PLPPR3: variants seen among roughly 807,000 people sequenced by gnomAD.
PLPPR3 encodes phospholipid phosphatase-related protein type 3.
A neutral mutation model predicts 27.3 loss-of-function variants in PLPPR3; 14 were observed. The observed-to-expected ratio is 0.51, with a 90% confidence interval of 0.34 to 0.80. The LOEUF (loss-of-function observed/expected upper bound fraction) is 0.80. Among genes scored for constraint, PLPPR3 ranks in the 30% least tolerant of loss-of-function variants. The pLI, the probability that PLPPR3 is intolerant of heterozygous loss-of-function variation, is 0.01. For synonymous variants in PLPPR3, 671 were observed against 508.0 expected (o/e 1.32, Z -4.32); for missense variants, 1,287 against 1,056.9 (o/e 1.22, Z -3.02).
chr19:821,733 C>T (rs937353398), intron 1 of PLPPR3, 148 bp from the exon 2 acceptor site: 1 of 417,712 alleles, frequency 2.4e-6, no homozygotes, highest in African/African-American at 2.1e-5. Context: ...CCCGGCCCAG[C>T]ACGCGGCTTC....
chr19:812,807 G>T lies in PLPPR3; in HGVS notation c.1920C>A (p.Gly640=). ...CCTGGTCCACGTCGCTGACCGACGA[G>T]CCGGGGGACACGCCCGGGGGCTTGG... ...GGAKPPGVSP[G]SSVSDVDQEE... Residue 640 remains glycine (G), a synonymous_variant, in exon 8 of 8, where the codon GGC becomes GGA. Transcript: ENST00000520876. 4 of 1,096,758 alleles carry T rather than the reference G, an allele frequency of 3.6e-6. No homozygotes were observed. Among genetic ancestry groups the T allele is most frequent in the Non-Finnish European group, 4.4e-6 (4 of 900,660 alleles). 67.9% of individuals were successfully genotyped at this position (1,096,758 alleles called of 1,614,324 possible). A position where few individuals can be genotyped will look rare whatever the true frequency, so the allele number is the denominator to read the frequency against.
Position 813,305 on chromosome 19 carries a change from C to T in PLPPR3, c.1422G>A (p.Ala474=). The T allele has an allele frequency of 6.8e-7, 1 of 1,464,398 alleles. No individual in the cohort carries two copies. Among genetic ancestry groups the T allele is most frequent in the African/African-American group, 1.5e-5 (1 of 67,494 alleles). The allele number at this position is 1,464,398 out of a possible 1,614,324, so 90.7% of individuals were successfully genotyped here. A position where few individuals can be genotyped will look rare whatever the true frequency, so the allele number is the denominator to read the frequency against. The change falls in exon 8 of 8, where the codon GCG becomes GCA. Residue 474 remains alanine, a synonymous_variant. Transcript: ENST00000520876. This position sits in a 1 kb window ranked among gnomAD's most constrained non-coding sequence, Gnocchi z 4.1. ...APPSLYPTVQ[A]RPGLGPRVIL... Reference sequence around the variant, plus strand: ...TGACCCGAGGCCCCAGCCCCGGCCGCGCCTGCACGGTGGGGTAGAGCGAGG... The same window carrying T: ...TGACCCGAGGCCCCAGCCCCGGCCGTGCCTGCACGGTGGGGTAGAGCGAGG...
rs141958692 is a variant in PLPPR3 at position 821,527 on chromosome 19, C to T, written c.33G>A (p.Pro11=). Residue 11 remains proline, a synonymous_variant, in exon 2 of 8, where the codon CCG becomes CCA. Transcript: ENST00000520876. Reference sequence around the variant, plus strand: ...AGGGCAGAAGCGTCATGCTGTCCTTCGGGATCTTGTTCTTCTCCTTGGTGG... The same window carrying T: ...AGGGCAGAAGCGTCATGCTGTCCTTTGGGATCTTGTTCTTCTCCTTGGTGG... MISTKEKNKI[P]KDSMTLLPCF... 1,364 of 1,498,664 alleles carry T rather than the reference C, an allele frequency of 9.1e-4. 25 individuals are homozygous for T. In the Admixed American group the frequency reaches 0.027, roughly 30 times the overall value. The allele number at this position is 1,498,664 out of a possible 1,614,324, so 92.8% of individuals were successfully genotyped here.
rs1032737154 is a variant in PLPPR3, at chr19:813,383, GTCC to G, written c.1341_1343del (p.Glu447del). 29 of 1,497,606 alleles carry G rather than the reference GTCC, an allele frequency of 1.9e-5. 1 individual carries two copies. Among genetic ancestry groups the G allele is most frequent in the African/African-American group, 1.7e-4 (12 of 70,278 alleles). 92.8% of individuals were successfully genotyped at this position (1,497,606 alleles called of 1,614,324 possible). Reference sequence around the variant, plus strand: ...CTTCCTCCTCCTCCTCTTCCTCTTCGTCCTCCTCCTCTTCCTCCTCCTCCGCCA... The same window carrying G: ...CTTCCTCCTCCTCCTCTTCCTCTTCGTCCTCCTCTTCCTCCTCCTCCGCCA... On this transcript the variant is annotated inframe_deletion, in exon 8 of 8. Transcript: ENST00000520876. This position sits in a 1 kb window ranked among gnomAD's most constrained non-coding sequence, Gnocchi z 4.1.
chr19:819,134 G>A lies in PLPPR3; in HGVS notation c.75+2351C>T, dbSNP rs2035107967. ...TGAGACTACAGGCACACACCACCAC[G>A]CTGGGCTAATTTTTGTATTTTTAGT... is the stretch of plus-strand genomic sequence containing the variant. On this transcript the variant is annotated intron_variant, in intron 2 of 7. Coordinates refer to ENST00000520876, the MANE Select transcript of PLPPR3 (RefSeq NM_001270366.2). Among the ~76,000 whole-genome samples the A allele has an allele frequency of 1.9e-5, 2 of 107,104 alleles. 1 individual carries two copies. The highest frequency in any genetic ancestry group is 3.6e-5 in the Non-Finnish European group (2 of 54,910). 70.3% of individuals were successfully genotyped at this position (107,104 alleles called of 152,430 possible).
chr19:822,651 C>T (rs1189589006), upstream of PLPPR3, among the ~76,000 whole-genome samples: 2 of 152,164 alleles, frequency 1.3e-5, no homozygotes, highest in African/African-American at 4.8e-5. Flanking sequence ...GCGGGCAGGG[C>T]CCTCGGGACC....
rs1002060306 is a variant in PLPPR3, at chr19:812,624, C to T, written c.2103G>A (p.Glu701=). 7 of 1,118,822 alleles carry T rather than the reference C, an allele frequency of 6.3e-6. No individual in the cohort carries two copies. Among genetic ancestry groups the T allele is most frequent in the Admixed American group, 4.5e-5 (1 of 22,180 alleles). 69.3% of individuals were successfully genotyped at this position (1,118,822 alleles called of 1,614,324 possible). A position where few individuals can be genotyped will look rare whatever the true frequency, so the allele number is the denominator to read the frequency against. ...GGLGLAEREA[E]AEAEGYFRKM... is the part of the protein sequence containing the mutation. ...TGCGGAAGTAGCCCTCGGCCTCCGCCTCCGCCTCGCGCTCCGCCAGCCCCA... is the reference window on the plus strand; with the variant it reads ...TGCGGAAGTAGCCCTCGGCCTCCGCTTCCGCCTCGCGCTCCGCCAGCCCCA... The change falls in exon 8 of 8, where the codon GAG becomes GAA. Residue 701 remains glutamate (E), a synonymous_variant. Transcript: ENST00000520876.
At chr19:821,199 C>T (rs2035138971) in intron 2 of PLPPR3, among the ~76,000 whole-genome samples, 1 of 146,662 alleles carries the variant, frequency 6.8e-6, no homozygotes, top group Admixed American at 6.8e-5. Context: ...CCCCAGCCCC[C>T]GACCCCCAGC....
intron 7 of PLPPR3, among the ~76,000 whole-genome samples, chr19:814,102 C>T (rs949171866): frequency 2.0e-5 from 3 of 152,170 alleles, no homozygotes; most frequent in African/African-American, 4.8e-5. Context: ...ATTCCAAGGG[C>T]GAGACACTTC....
In PLPPR3 at chr19:813,473, G is replaced by A. The variant is rs753903593; in HGVS notation, c.1254C>T (p.Gly418=). 31 of 1,539,578 alleles carry A rather than the reference G, an allele frequency of 2.0e-5. No individual in the cohort carries two copies. In the Admixed American group the frequency reaches 4.9e-4, roughly 24 times the overall value. ...ISEWKQKSLE[G]RGLGLPDDAS... Reference sequence around the variant, plus strand: ...CGTCGTCGGGCAGCCCCAGGCCGCGGCCCTCCAGGCTCTTCTGCTTCCACT... The same window carrying A: ...CGTCGTCGGGCAGCCCCAGGCCGCGACCCTCCAGGCTCTTCTGCTTCCACT... The change falls in exon 8 of 8, where the codon GGC becomes GGT. Residue 418 remains glycine, a synonymous_variant. Coordinates refer to ENST00000520876, the MANE Select transcript of PLPPR3 (RefSeq NM_001270366.2). This position sits in a 1 kb window ranked among gnomAD's most constrained non-coding sequence, Gnocchi z 4.1.
intron 2 of PLPPR3, among the ~76,000 whole-genome samples, chr19:819,537 A>T (rs1019110639): frequency 6.6e-6 from 1 of 150,932 alleles, no homozygotes; most frequent in African/African-American, 2.4e-5. Flanking sequence ...TGATCCGCCC[A>T]CCTCGGCCTC....
upstream of PLPPR3, among the ~76,000 whole-genome samples, chr19:822,452 C>G (rs2035163283): frequency 1.3e-5 from 2 of 152,112 alleles, no homozygotes; most frequent in African/African-American, 4.8e-5. Context: ...TCCCAGGGCG[C>G]CCGGAGCATC....
rs2034961107 is a variant in PLPPR3 at position 812,953 on chromosome 19, C to T, written c.1774G>A (p.Val592Met). 1.4e-6 allele frequency: 2 copies of T among 1,430,282 alleles called. No homozygotes were observed. Among genetic ancestry groups the T allele is most frequent in the South Asian group, 2.6e-5 (2 of 76,268 alleles). 88.6% of individuals were successfully genotyped at this position (1,430,282 alleles called of 1,614,324 possible). A position where few individuals can be genotyped will look rare whatever the true frequency, so the allele number is the denominator to read the frequency against. ...GCGCCGCCGGCCGACAGGTGCACCACGGGGTGGTGCGGCGCGTGCGCGTCG... is the reference window on the plus strand; with the variant it reads ...GCGCCGCCGGCCGACAGGTGCACCATGGGGTGGTGCGGCGCGTGCGCGTCG... ...TIDAHAPHHP[V>M]VHLSAGGAPW... Residue 592 changes from valine to methionine, a missense_variant, in exon 8 of 8, where the codon GTG becomes ATG. Coordinates refer to ENST00000520876, the MANE Select transcript of PLPPR3 (RefSeq NM_001270366.2).
At position 813,318 on chromosome 19, in the gene PLPPR3, G is replaced by C. The variant is rs2034975897; in HGVS notation, c.1409C>G (p.Pro470Arg). ...CAGCCCCGGCCGCGCCTGCACGGTG[G>C]GGTAGAGCGAGGGCGGGGCCGGGCC... is the stretch of plus-strand genomic sequence containing the variant. ...DEGPAPPSLYPTVQARPGLGP... is the reference protein window; with the variant it reads ...DEGPAPPSLYRTVQARPGLGP... Residue 470 changes from proline to arginine, a missense_variant, in exon 8 of 8, where the codon CCC (proline) becomes CGC (arginine). Physicochemically the swap from Pro to Arg is moderately radical, Grantham distance 103. Transcript: ENST00000520876. The surrounding 1 kb of genome is among the most constrained non-coding windows in gnomAD (Gnocchi z 4.1). 4.1e-6 allele frequency: 6 copies of C among 1,468,718 alleles called. No individual in the cohort carries two copies. The highest frequency in any genetic ancestry group is 1.4e-5 in the South Asian group (1 of 73,996). The allele number at this position is 1,468,718 out of a possible 1,614,324, so 91.0% of individuals were successfully genotyped here.
Position 812,547 on chromosome 19 carries a change from CG to C in PLPPR3, c.*22del. ...CCGCCCGCGCCCTCGGCCCGCCCCC[CG>C]CCCGCCCCCGGCCCCGCCGCGCTAG... On this transcript the variant is annotated 3_prime_UTR_variant, in exon 8 of 8. Coordinates refer to ENST00000520876, the MANE Select transcript of PLPPR3 (RefSeq NM_001270366.2). 7.7e-5 allele frequency: 75 copies of C among 979,166 alleles called. No homozygotes were observed. Among genetic ancestry groups the C allele is most frequent in the East Asian group, 1.0e-4 (1 of 9,722 alleles). 60.7% of individuals were successfully genotyped at this position (979,166 alleles called of 1,614,324 possible).
intron 2 of PLPPR3, among the ~76,000 whole-genome samples, chr19:816,218 CCCAT>C (rs1217426619): frequency 1.2e-4 from 18 of 150,496 alleles, no homozygotes; most frequent in East Asian, 3.9e-4. Context: ...CCCAACGGTA[CCCAT>C]CCATCCATCC....
At chr19:823,780 G>A (rs182446530), upstream of PLPPR3, among the ~76,000 whole-genome samples, 1 of 152,222 alleles carries the variant, frequency 6.6e-6, no homozygotes, top group South Asian at 2.1e-4. Flanking sequence ...CTCCCCAACA[G>A]CCCTGGAGAA....
chr19:819,897 A>G (rs1249649120), intron 2 of PLPPR3, among the ~76,000 whole-genome samples: 1 of 152,190 alleles, frequency 6.6e-6, no homozygotes, highest in African/African-American at 2.4e-5. Context: ...GCTGAAGTGC[A>G]GTGGTGTGAT....
Position 814,957 on chromosome 19 carries a change from G to C in PLPPR3, c.528C>G (p.Ser176=). Residue 176 remains serine (S), a synonymous_variant, in exon 5 of 8, where the codon TCC becomes TCG. Transcript: ENST00000520876. The part of the protein sequence containing the change: ...CKPNYTLLGT[S]CEVNPYITQD... The stretch of plus-strand genomic sequence containing the variant: ...GCGTGATGTAGGGGTTGACCTCGCA[G>C]GACGTGCCCAGGAGAGTGTAGTTGG... 6.2e-7 allele frequency: 1 copy of C among 1,612,622 alleles called. No individual in the cohort carries two copies. The highest frequency in any genetic ancestry group is 1.1e-5 in the South Asian group (1 of 91,092).
Sources: allele counts gnomAD v4.1 joint callset (sites outside exome capture counted in the v4.1 genomes callset), GRCh38; gene constraint gnomAD v4.1.1; non-coding constraint Gnocchi (gnomAD v3.1); transcripts MANE v1.5; gene names NCBI Gene and HGNC (gene_info 2026-07-23, HGNC 2026-07-21).